USP48: variants seen among roughly 807,000 people sequenced by gnomAD.
USP48 encodes ubiquitin specific peptidase 48.
Under a neutral mutation model 150.7 loss-of-function variants are expected in USP48, and 43 were observed. The observed-to-expected ratio is 0.29, with a 90% confidence interval of 0.22 to 0.37. USP48 has a LOEUF of 0.37. Ranked by LOEUF, USP48 falls within the 10% of genes least tolerant of loss-of-function variation. The pLI is 1.00. For synonymous variants in USP48, 396 were observed against 425.9 expected (o/e 0.93, Z 0.86); for missense variants, 813 against 1,249.6 (o/e 0.65, Z 5.27).
chr1:21,743,045 T>C (rs960662805), intron 8 of USP48, among the ~76,000 whole-genome samples: 8 of 152,214 alleles, frequency 5.3e-5, no homozygotes, highest in African/African-American at 1.9e-4. Context: ...ATACCTTTAA[T>C]ACATTTATGA....
chr1:21,759,091 A>T (rs1186191756), intron 1 of USP48, among the ~76,000 whole-genome samples: 3 of 146,164 alleles, frequency 2.1e-5, no homozygotes, highest in East Asian at 4.2e-4. Flanking sequence ...CTGATGCAGG[A>T]GAATTGCTTG....
intron 1 of USP48, among the ~76,000 whole-genome samples, chr1:21,761,038 T>C (rs966966061): frequency 2.0e-5 from 3 of 151,420 alleles, no homozygotes; most frequent in Non-Finnish European, 4.4e-5. Flanking sequence ...AAGGTTGTGG[T>C]GAGCCAAGAT....
intron 15 of USP48, chr1:21,715,149 T>C (rs1571828504): frequency 6.8e-6 from 3 of 439,662 alleles, no homozygotes; most frequent in Non-Finnish European, 1.2e-5. Context: ...AGTGTTTAAC[T>C]TGGACAATGA....
intron 1 of USP48, among the ~76,000 whole-genome samples, chr1:21,772,345 C>A (rs1189599227): frequency 6.6e-6 from 1 of 152,100 alleles, no homozygotes; most frequent in African/African-American, 2.4e-5. Context: ...TAGGCCGGGC[C>A]GGGCATGGTG....
intron 1 of USP48, among the ~76,000 whole-genome samples, chr1:21,781,427 G>A (rs375115419): frequency 1.3e-5 from 2 of 151,718 alleles, no homozygotes; most frequent in African/African-American, 2.4e-5. Context: ...CAATAAGAGC[G>A]AAACACCGTC....
rs11578950 is a variant in USP48, at chr1:21,778,003, C to T, written c.134+4821G>A. Among the ~76,000 whole-genome samples, 1,145 of 148,108 alleles carry T rather than the reference C, an allele frequency of 7.7e-3. 17 individuals are homozygous for T. The highest frequency in any genetic ancestry group is 0.026 in the African/African-American group (1,067 of 40,272). ...AAAAAAAAAAAAAAAATTAGCTAGG[C>T]GTGGCGGTGTGCGCCTGTAGTCCCA... On this transcript the variant is annotated intron_variant, in intron 1 of 26. Transcript: ENST00000308271.
At chr1:21,779,586 C>G (rs1462354928) in intron 1 of USP48, among the ~76,000 whole-genome samples, 1 of 151,794 alleles carries the variant, frequency 6.6e-6, no homozygotes, top group Non-Finnish European at 1.5e-5. Context: ...TAAAAGTTAC[C>G]ACACAACCCA....
At chr1:21,689,072 C>T (rs1382798111) in intron 24 of USP48, among the ~76,000 whole-genome samples, 3 of 151,642 alleles carry the variant, frequency 2.0e-5, no homozygotes, top group East Asian at 1.9e-4. Context: ...TCTGCTGAAC[C>T]GGAAGTTAGG....
intron 19 of USP48, among the ~76,000 whole-genome samples, chr1:21,705,502 G>A (rs908070944): frequency 1.3e-5 from 2 of 152,026 alleles, no homozygotes. Flanking sequence ...TCTTCAAGAG[G>A]GACAAGGAAA....
intron 19 of USP48, among the ~76,000 whole-genome samples, chr1:21,705,027 G>A (rs2097668166): frequency 6.6e-6 from 1 of 152,094 alleles, no homozygotes; most frequent in South Asian, 2.1e-4. Flanking sequence ...TGCAGAGAGG[G>A]AGGGAGAGAA....
Position 21,679,227 on chromosome 1 carries a change from G to T in USP48, c.*190C>A. 14 of 402,594 alleles carry T rather than the reference G, an allele frequency of 3.5e-5. No individual in the cohort carries two copies. The highest frequency in any genetic ancestry group is 8.8e-5 in the South Asian group (4 of 45,522). The allele number at this position is 402,594 out of a possible 1,614,324, so 24.9% of individuals were successfully genotyped here. A position where few individuals can be genotyped will look rare whatever the true frequency, so the allele number is the denominator to read the frequency against. ...AATTGGAAACATTTCCTTCAAGTCT[G>T]ATGTCCATCAGTGCAATCTGCTTTA... On this transcript the variant is annotated 3_prime_UTR_variant, in exon 27 of 27. Transcript: ENST00000308271.
intron 7 of USP48, among the ~76,000 whole-genome samples, 187 bp from the exon 8 acceptor site, chr1:21,747,336 T>C (rs919848111): frequency 1.3e-5 from 2 of 152,210 alleles, no homozygotes; most frequent in Admixed American, 6.5e-5. Flanking sequence ...GGTTAAAAAA[T>C]GTGAATGCGA....
Position 21,753,025 on chromosome 1 carries a change from A to G in USP48, c.507T>C (p.Val169=). The G allele has an allele frequency of 6.2e-7, 1 of 1,609,958 alleles. No individual in the cohort carries two copies. Among genetic ancestry groups the G allele is most frequent in the Non-Finnish European group, 8.5e-7 (1 of 1,179,118 alleles). Residue 169 remains valine (V), a synonymous_variant, in exon 4 of 27, where the codon GTT becomes GTC. Coordinates refer to ENST00000308271, the MANE Select transcript of USP48 (RefSeq NM_032236.8). ...NRRYIDPSGF[V]KALGLDTGQQ... ...GTCCAGTGTCCAGGCCCAAGGCTTT[A>G]ACAAATCCTGATGGATCAATGTATC...
intron 25 of USP48, among the ~76,000 whole-genome samples, chr1:21,682,369 C>G (rs2097568305): frequency 6.6e-6 from 1 of 151,848 alleles, no homozygotes; most frequent in Non-Finnish European, 1.5e-5. Context: ...AGGGTACCAT[C>G]ATTTTTTACA....
intron 6 of USP48, among the ~76,000 whole-genome samples, chr1:21,750,052 C>T (rs1469067647): frequency 6.6e-6 from 1 of 152,184 alleles, no homozygotes. Flanking sequence ...CCATAGTTAT[C>T]CCTTAAAACA....
intron 25 of USP48, chr1:21,686,966 G>C (rs977345403): frequency 1.3e-5 from 7 of 551,492 alleles, no homozygotes; most frequent in Admixed American, 1.0e-4. Context: ...TCCACAGGCA[G>C]AGCTCACATT....
chr1:21,771,727 C>A (rs2097881250), intron 1 of USP48, among the ~76,000 whole-genome samples: 1 of 152,012 alleles, frequency 6.6e-6, no homozygotes, highest in African/African-American at 2.4e-5. Flanking sequence ...CAAGAACAGC[C>A]TGACCAACAC....
At chr1:21,700,384 G>A (rs1432438648) in intron 22 of USP48, among the ~76,000 whole-genome samples, 3 of 152,036 alleles carry the variant, frequency 2.0e-5, no homozygotes, top group African/African-American at 4.8e-5. Context: ...CCTTTACACC[G>A]GTTGGGAAAC....
At chr1:21,767,997 G>C (rs924199862) in intron 1 of USP48, among the ~76,000 whole-genome samples, 1 of 152,088 alleles carries the variant, frequency 6.6e-6, no homozygotes, top group Non-Finnish European at 1.5e-5. Context: ...CACAAGGTCA[G>C]GAGATCGAGA....
Sources: gnomAD v4.1 joint callset for allele counts (sites outside exome capture counted in the v4.1 genomes callset) on GRCh38, gnomAD v4.1.1 for gene constraint, MANE v1.5 for transcripts, NCBI Gene and HGNC (gene_info 2026-07-23, HGNC 2026-07-21) for gene names.